USP10: variants seen among roughly 807,000 people sequenced by gnomAD.
USP10 encodes the protein ubiquitin specific peptidase 10.
A neutral mutation model predicts 84.5 loss-of-function variants in USP10; 22 were observed. That is an observed-to-expected ratio of 0.26 (90% CI 0.19 to 0.37). The LOEUF is 0.37. USP10 is among the 10% of genes least tolerant of loss of function. The pLI, the probability that USP10 is intolerant of heterozygous loss-of-function variation, is 1.00. For synonymous variants in USP10, 454 were observed against 387.6 expected, an observed-to-expected ratio of 1.17 and a Z score of -2.01; for missense variants, 1,019 against 998.9, an observed-to-expected ratio of 1.02 and a Z score of -0.27.
chr16:84,714,990 G>A (rs371229146), intron 1 of USP10, among the ~76,000 whole-genome samples: 26 of 149,436 alleles, frequency 1.7e-4, no homozygotes, highest in Non-Finnish European at 3.3e-4. Context: ...AGTGCAGTTC[G>A]CAGTCTCGGC....
chr16:84,742,484 G>A (rs1158178826), intron 3 of USP10, among the ~76,000 whole-genome samples: 4 of 152,018 alleles, frequency 2.6e-5, no homozygotes, highest in Non-Finnish European at 5.9e-5. Flanking sequence ...TCCCTCCCTC[G>A]CCCCCTGCCT....
At position 84,760,300 on chromosome 16, in the gene USP10, A is replaced by G. The variant is rs368919556; in HGVS notation, c.1554+25A>G. 9.7e-4 allele frequency: 1,522 copies of G among 1,565,396 alleles called. 4 individuals are homozygous for G. The highest frequency in any genetic ancestry group is 1.2e-3 in the Non-Finnish European group (1,437 of 1,149,968). On this transcript the variant is annotated intron_variant, in intron 8 of 13. Coordinates refer to ENST00000219473, the MANE Select transcript of USP10 (RefSeq NM_005153.3). ...GGTTTGAGACTTCTCTGTTGTCACT[A>G]GTATCAAGTGTTGCCTTTTGTTCCA...
intron 11 of USP10, among the ~76,000 whole-genome samples, chr16:84,768,939 A>T (rs531205690): frequency 1.3e-5 from 2 of 152,146 alleles, no homozygotes; most frequent in Admixed American, 1.3e-4. Flanking sequence ...GTCCTTGTCA[A>T]CTCAGTTGGG....
intron 4 of USP10, among the ~76,000 whole-genome samples, chr16:84,754,772 C>T (rs528247202): frequency 2.0e-5 from 3 of 152,224 alleles, no homozygotes; most frequent in African/African-American, 7.2e-5. Context: ...ATTTATGTAT[C>T]CTTTGATTGC....
chr16:84,749,168 G>T (rs898012670), intron 4 of USP10, among the ~76,000 whole-genome samples: 1 of 152,040 alleles, frequency 6.6e-6, no homozygotes, highest in Non-Finnish European at 1.5e-5. Context: ...AATTTTTTTT[G>T]TTGTTTTATT....
intron 1 of USP10, among the ~76,000 whole-genome samples, chr16:84,715,945 C>G (rs574565863): frequency 4.6e-5 from 7 of 152,294 alleles, no homozygotes; most frequent in African/African-American, 1.7e-4. Flanking sequence ...ACCAGCCTGA[C>G]CAAGAGAGTG....
chr16:84,727,218 G>A (rs1908611053), intron 1 of USP10, among the ~76,000 whole-genome samples: 1 of 152,126 alleles, frequency 6.6e-6, no homozygotes, highest in African/African-American at 2.4e-5. Flanking sequence ...CTCTGTTATG[G>A]GCAAAACTAA....
At chr16:84,723,792 A>G (rs1908112315) in intron 1 of USP10, among the ~76,000 whole-genome samples, 1 of 152,170 alleles carries the variant, frequency 6.6e-6, no homozygotes, top group Non-Finnish European at 1.5e-5. Flanking sequence ...ATGAATTTTA[A>G]CAGATGTATT....
chr16:84,745,461 C>T lies in USP10; in HGVS notation c.980C>T (p.Thr327Met), dbSNP rs770437207. The T allele has an allele frequency of 2.0e-5, 33 of 1,613,532 alleles. No homozygotes were observed. The highest frequency in any genetic ancestry group is 5.0e-5 in the Admixed American group (3 of 59,978). ...PESASPPADG[T>M]GSASGTLPVS... ...AGTGCATCACCTCCTGCTGACGGCA[C>T]GGGCTCTGCATCAGGCACCCTTCCT... The change falls in exon 4 of 14, where the codon ACG (threonine) becomes ATG (methionine). Residue 327 changes from threonine (T) to methionine (M), a missense_variant. By Grantham distance (81) the Thr-to-Met change is moderately conservative. Transcript: ENST00000219473.
At position 84,764,070 on chromosome 16, in the gene USP10, A is replaced by G; in HGVS notation, c.1655-16A>G. ...TTGTCGTAAATAGTAGTGTAAGCAG[A>G]TGCTCTCCTTTTCAGAACTTACGAT... On this transcript the variant is annotated splice_polypyrimidine_tract_variant and intron_variant, in intron 9 of 13. Transcript: ENST00000219473. The G allele has an allele frequency of 6.2e-7, 1 of 1,608,336 alleles. No homozygotes were observed. The highest frequency in any genetic ancestry group is 1.1e-5 in the South Asian group (1 of 90,744).
chr16:84,731,215 A>G (rs184031796), intron 1 of USP10, among the ~76,000 whole-genome samples: 4 of 150,848 alleles, frequency 2.7e-5, no homozygotes, highest in East Asian at 3.9e-4. Flanking sequence ...TTCTGACCTC[A>G]TGATCCGCCC....
chr16:84,727,844 C>G (rs1908708775), intron 1 of USP10, among the ~76,000 whole-genome samples: 1 of 152,228 alleles, frequency 6.6e-6, no homozygotes, highest in South Asian at 2.1e-4. Flanking sequence ...TAATACGTTA[C>G]CACTTTCACA....
rs1911004222 is a variant in USP10 at position 84,744,739 on chromosome 16, G to A, written c.258G>A (p.Gln86=). The A allele has an allele frequency of 1.2e-6, 2 of 1,613,624 alleles. No individual in the cohort carries two copies. Among genetic ancestry groups the A allele is most frequent in the Admixed American group, 1.7e-5 (1 of 59,990 alleles). ...GTATTTCAAGCACACTGAACCCTCAGGCCCCTGAATTTATTCTCGGTTGTA... is the reference window on the plus strand; with the variant it reads ...GTATTTCAAGCACACTGAACCCTCAAGCCCCTGAATTTATTCTCGGTTGTA... ...SYSISSTLNP[Q]APEFILGCTA... is the part of the protein sequence containing the mutation. Residue 86 remains glutamine, a synonymous_variant, in exon 4 of 14, where the codon CAG becomes CAA. Transcript: ENST00000219473.
Position 84,700,068 on chromosome 16 carries a change from G to GAGTC in USP10, c.-22_-19dup, listed in dbSNP as rs1470871458. ...CAGCGTGAGCAGCCGGAGGATCGCG[G>GAGTC]AGTCCCAATGAAACGGGCAGCCATG... On this transcript the variant is annotated 5_prime_UTR_variant, in exon 1 of 14. It removes the in-frame stop codon of an upstream open reading frame in the 5' UTR. Coordinates refer to ENST00000219473, the MANE Select transcript of USP10 (RefSeq NM_005153.3). 1.5e-6 allele frequency: 2 copies of GAGTC among 1,371,516 alleles called. No individual in the cohort carries two copies. The highest frequency in any genetic ancestry group is 3.1e-5 in the African/African-American group (2 of 64,874). The allele number at this position is 1,371,516 out of a possible 1,614,324, so 85.0% of individuals were successfully genotyped here. A position where few individuals can be genotyped will look rare whatever the true frequency, so the allele number is the denominator to read the frequency against.
chr16:84,703,410 C>A (rs556979083), intron 1 of USP10, among the ~76,000 whole-genome samples: 1 of 152,298 alleles, frequency 6.6e-6, no homozygotes, highest in Non-Finnish European at 1.5e-5. Context: ...TAGACTCACC[C>A]CAGTCTCTTT....
intron 13 of USP10, 54 bp from the exon 14 acceptor site, chr16:84,778,841 A>G (rs1468367448): frequency 1.1e-5 from 17 of 1,543,296 alleles, no homozygotes; most frequent in Non-Finnish European, 1.4e-5. Flanking sequence ...GAGACCTGTA[A>G]TGATTCGTGT....
intron 8 of USP10, among the ~76,000 whole-genome samples, chr16:84,761,646 G>T: frequency 6.6e-6 from 1 of 152,238 alleles, no homozygotes; most frequent in East Asian, 1.9e-4. Context: ...ACTGAGGGCT[G>T]GTCCCATAGG....
chr16:84,772,395 C>T (rs1419501282), intron 11 of USP10, 146 bp from the exon 12 acceptor site: 7 of 1,093,884 alleles, frequency 6.4e-6, no homozygotes, highest in Non-Finnish European at 9.4e-6. Context: ...CTCAGAGCTT[C>T]TGTGGGGCAG....
intron 1 of USP10, among the ~76,000 whole-genome samples, chr16:84,713,719 A>T (rs118180450): frequency 1.9e-3 from 290 of 152,310 alleles, no homozygotes; most frequent in Middle Eastern, 3.4e-3. Flanking sequence ...AACTGTTAGG[A>T]TCCAGAATTA....
Sources: gnomAD v4.1 joint callset for allele counts (sites outside exome capture counted in the v4.1 genomes callset) on GRCh38, gnomAD v4.1.1 for gene constraint, MANE v1.5 for transcripts, NCBI Gene and HGNC (gene_info 2026-07-23, HGNC 2026-07-21) for gene names.